Variants in SLF1 observed in about 807,000 individuals in gnomAD.
SLF1 encodes SMC5-SMC6 complex localization factor protein 1.
In SLF1, 105 loss-of-function variants were observed where a neutral mutation model predicts 123.0. The ratio of observed to expected loss-of-function variants is 0.85; its 90% CI spans 0.73 to 1.00. The LOEUF (loss-of-function observed/expected upper bound fraction) is 1.00. SLF1 is among the 50% of genes least tolerant of loss of function. The pLI is 0.00. For synonymous variants in SLF1, 434 were observed against 406.6 expected (o/e 1.07, Z -0.81); for missense variants, 1,239 against 1,223.0 (o/e 1.01, Z -0.20).
At chr5:94,643,032 G>A (rs1746620040) in intron 4 of SLF1, among the ~76,000 whole-genome samples, 1 of 151,992 alleles carries the variant, frequency 6.6e-6, no homozygotes, top group African/African-American at 2.4e-5. Context: ...GTCCCTAAAA[G>A]CCTTTCCTTT....
intron 12 of SLF1, among the ~76,000 whole-genome samples, chr5:94,667,521 T>C (rs1295602148): frequency 6.6e-6 from 1 of 152,200 alleles, no homozygotes; most frequent in African/African-American, 2.4e-5. Context: ...TCCAAAGTGA[T>C]CTTGTCATTT....
intron 9 of SLF1, among the ~76,000 whole-genome samples, chr5:94,656,856 G>GT (rs1322958560): frequency 1.3e-5 from 2 of 150,102 alleles, no homozygotes; most frequent in African/African-American, 2.4e-5. Flanking sequence ...TTTATTTGGG[G>GT]TTTTTTCTTT....
intron 4 of SLF1, among the ~76,000 whole-genome samples, chr5:94,640,454 A>G (rs980976582): frequency 6.6e-6 from 1 of 151,984 alleles, no homozygotes; most frequent in African/African-American, 2.4e-5. Flanking sequence ...GATGTGTAGT[A>G]GAGTGTTTGT....
rs746308032 is a variant in SLF1, at chr5:94,673,989, A to G, written c.1827+2981A>G. Among the ~76,000 whole-genome samples, 3 of 152,150 alleles carry G rather than the reference A, an allele frequency of 2.0e-5. No homozygotes were observed. In the South Asian group the frequency reaches 6.2e-4, roughly 32 times the overall value. ...ATTTAAAAGGAAGTATAATTTTGCA[A>G]ATTACAGAAATTGAAAATACTTAAA... On this transcript the variant is annotated intron_variant, in intron 14 of 20. Transcript: ENST00000265140.
rs759771028 is a variant in SLF1 at position 94,654,631 on chromosome 5, A to C, written c.1034A>C (p.Lys345Thr). The C allele has an allele frequency of 2.3e-5, 35 of 1,535,046 alleles. No individual in the cohort carries two copies. Among genetic ancestry groups the C allele is most frequent in the Middle Eastern group, 1.7e-4 (1 of 5,898 alleles). Residue 345 changes from lysine to threonine, a missense_variant and splice_region_variant, in exon 9 of 21, where the codon AAA (lysine) becomes ACA (threonine). Coordinates refer to ENST00000265140, the MANE Select transcript of SLF1 (RefSeq NM_032290.4). ...LRRHIYNRDQKEMKNSIFAEY... is the reference protein window; with the variant it reads ...LRRHIYNRDQTEMKNSIFAEY... ...GTCATTTTACTTTGCTATATGCAGA[A>C]AGAAATGAAGAATTCTATTTTTGCT...
intron 14 of SLF1, among the ~76,000 whole-genome samples, chr5:94,671,415 A>G (rs914111123): frequency 6.6e-6 from 1 of 151,512 alleles, no homozygotes; most frequent in Admixed American, 6.6e-5. Flanking sequence ...ATGTTGAGTT[A>G]TTTTCTGAAA....
chr5:94,657,470 C>T (rs183174030), intron 9 of SLF1, among the ~76,000 whole-genome samples: 10 of 152,000 alleles, frequency 6.6e-5, no homozygotes, highest in South Asian at 2.1e-4. Flanking sequence ...AATGTCTGTC[C>T]GGAAGAATGT....
chr5:94,675,434 G>A (rs932778239), intron 14 of SLF1, among the ~76,000 whole-genome samples: 1 of 152,040 alleles, frequency 6.6e-6, no homozygotes, highest in African/African-American at 2.4e-5. Context: ...GTTTTCCTTT[G>A]ATGATTTATT....
chr5:94,686,618 C>T lies in SLF1; in HGVS notation c.2021C>T (p.Ser674Phe). 1.2e-6 allele frequency: 2 copies of T among 1,614,036 alleles called. No homozygotes were observed. The highest frequency in any genetic ancestry group is 1.3e-5 in the African/African-American group (1 of 75,044). Residue 674 changes from serine (S) to phenylalanine (F), a missense_variant, in exon 16 of 21, where the codon TCC (serine) becomes TTC (phenylalanine). Physicochemically the swap from Ser to Phe is radical, Grantham distance 155 (BLOSUM62 -2). Transcript: ENST00000265140. Reference sequence around the variant, plus strand: ...GAGATTTTCATTTGCTCCTTTTCCTCCTCCTGGCTTCAAATGTTTGTTGCA... The same window carrying T: ...GAGATTTTCATTTGCTCCTTTTCCTTCTCCTGGCTTCAAATGTTTGTTGCA... ...ELEIFICSFS[S>F]SWLQMFVAEA...
Position 94,662,293 on chromosome 5 carries a change from T to G in SLF1, c.1156-5T>G. 6.5e-7 allele frequency: 1 copy of G among 1,546,262 alleles called. No individual in the cohort carries two copies. Among genetic ancestry groups the G allele is most frequent in the Non-Finnish European group, 8.7e-7 (1 of 1,144,000 alleles). ...TGTTTTAATTATATGGTTGCTCTTT[T>G]GTAGGCTGTCAGATACAACTGCATT... On this transcript the variant is annotated splice_region_variant and splice_polypyrimidine_tract_variant and intron_variant, in intron 9 of 20. Transcript: ENST00000265140.
At chr5:94,621,946 G>A (rs967944215) in intron 1 of SLF1, among the ~76,000 whole-genome samples, 1 of 151,908 alleles carries the variant, frequency 6.6e-6, no homozygotes, top group African/African-American at 2.4e-5. Flanking sequence ...TTTGAAGGAT[G>A]GGGCAGGAAA....
intron 12 of SLF1, among the ~76,000 whole-genome samples, chr5:94,667,094 T>C (rs928571348): frequency 6.6e-6 from 1 of 151,980 alleles, no homozygotes; most frequent in Admixed American, 6.6e-5. Flanking sequence ...ACCATCTTGG[T>C]TGTGATATAT....
At chr5:94,647,219 A>G (rs1747166183) in intron 5 of SLF1, among the ~76,000 whole-genome samples, 1 of 152,240 alleles carries the variant, frequency 6.6e-6, no homozygotes, top group Non-Finnish European at 1.5e-5. Context: ...ACCATAAACG[A>G]ATATCTAGTC....
intron 1 of SLF1, among the ~76,000 whole-genome samples, chr5:94,622,722 A>G (rs1415341192): frequency 6.6e-6 from 1 of 152,084 alleles, no homozygotes; most frequent in African/African-American, 2.4e-5. Flanking sequence ...GTTCTTAAAT[A>G]TAAATATATA....
At chr5:94,641,468 AAAC>A (rs774500951) in intron 4 of SLF1, among the ~76,000 whole-genome samples, 8 of 152,194 alleles carry the variant, frequency 5.3e-5, no homozygotes, top group Non-Finnish European at 1.2e-4. Flanking sequence ...GAGCAGCAGA[AAAC>A]AACAAGACAG....
intron 20 of SLF1, among the ~76,000 whole-genome samples, chr5:94,693,598 G>A (rs1321531113): frequency 6.6e-6 from 1 of 151,918 alleles, no homozygotes; most frequent in African/African-American, 2.4e-5. Flanking sequence ...GTCATATTCT[G>A]GGTTTGGACC....
At chr5:94,651,524 C>T (rs1747722459) in intron 6 of SLF1, among the ~76,000 whole-genome samples, 178 bp from the exon 7 acceptor site, 1 of 152,130 alleles carries the variant, frequency 6.6e-6, no homozygotes, top group African/African-American at 2.4e-5. Context: ...GAACTGAAAA[C>T]AATTATGTTC....
chr5:94,644,965 T>G, intron 5 of SLF1, among the ~76,000 whole-genome samples: 1 of 152,204 alleles, frequency 6.6e-6, no homozygotes, highest in African/African-American at 2.4e-5. Flanking sequence ...CTTCCAAAAT[T>G]ACATGTAATA....
chr5:94,690,834 G>A (rs572556422), intron 18 of SLF1, among the ~76,000 whole-genome samples: 26 of 151,642 alleles, frequency 1.7e-4, no homozygotes, highest in Admixed American at 4.6e-4. Flanking sequence ...CATTAATTGC[G>A]TCTCTCCTAG....
Sources: gnomAD v4.1 joint callset for allele counts (sites outside exome capture counted in the v4.1 genomes callset) on GRCh38, gnomAD v4.1.1 for gene constraint, MANE v1.5 for transcripts, NCBI Gene and HGNC (gene_info 2026-07-23, HGNC 2026-07-21) for gene names.